The following CLVS1 variants were observed in gnomAD, a reference collection of about 807,000 sequenced individuals.
CLVS1 encodes clavesin-1.
CLVS1 carries 10 observed loss-of-function variants against 33.1 expected under a neutral mutation model. The ratio of observed to expected loss-of-function variants is 0.30; its 90% confidence interval spans 0.19 to 0.51. CLVS1 has a LOEUF of 0.51. CLVS1 is among the 20% of genes least tolerant of loss of function. CLVS1 has a pLI of 0.97. For missense variants in CLVS1, 343 were observed against 433.4 expected (o/e 0.79, Z 1.85); for synonymous variants, 163 against 166.1 (o/e 0.98, Z 0.14).
intron 3 of CLVS1, among the ~76,000 whole-genome samples, chr8:61,415,327 C>A (rs1488796965): frequency 1.3e-5 from 2 of 152,220 alleles, no homozygotes; most frequent in Non-Finnish European, 2.9e-5. Context: ...GCTGGGGCAC[C>A]TGCCCTGGAG....
At chr8:61,480,520 C>A (rs779428253) in intron 5 of CLVS1, among the ~76,000 whole-genome samples, 4 of 152,188 alleles carry the variant, frequency 2.6e-5, no homozygotes, top group Non-Finnish European at 5.9e-5. Flanking sequence ...TCCTTGACCC[C>A]TTGCACTTCC....
chr8:61,450,555 C>T (rs1270477483), intron 3 of CLVS1, among the ~76,000 whole-genome samples: 1 of 152,148 alleles, frequency 6.6e-6, no homozygotes. Flanking sequence ...GTAGTAGATA[C>T]TCATAAATAT....
At chr8:61,376,552 T>C in intron 2 of CLVS1, 53 bp from the exon 3 acceptor site, 1 of 1,558,070 alleles carries the variant, frequency 6.4e-7, no homozygotes. Context: ...GCACGCAACA[T>C]GCTATCACCT....
At chr8:61,426,414 T>C (rs573717562) in intron 3 of CLVS1, among the ~76,000 whole-genome samples, 2 of 152,358 alleles carry the variant, frequency 1.3e-5, no homozygotes, top group East Asian at 3.9e-4. Context: ...CCCAAATAGA[T>C]AGCTTGTGTC....
At chr8:61,041,108 A>G in the CLVS1 span, among the ~76,000 whole-genome samples, 53 of 151,836 alleles carry the variant, frequency 3.5e-4, 1 homozygote, top group Non-Finnish European at 2.6e-4. Context: ...CTTATTGCAT[A>G]TTTTTGTCAA....
chr8:61,053,681 C>T (rs893383565), upstream of CLVS1, among the ~76,000 whole-genome samples: 5 of 152,036 alleles, frequency 3.3e-5, no homozygotes, highest in Admixed American at 3.3e-4. Flanking sequence ...TCAAGCTGGG[C>T]CAATTAGAAT....
At chr8:61,221,637 G>T (rs1184527518) in intron 2 of CLVS1, among the ~76,000 whole-genome samples, 2 of 152,036 alleles carry the variant, frequency 1.3e-5, no homozygotes, top group African/African-American at 4.8e-5. Context: ...ATATTGGCCT[G>T]AAGTGTCCTC....
chr8:61,272,703 T>C (rs928648464), intron 2 of CLVS1, among the ~76,000 whole-genome samples: 1 of 152,116 alleles, frequency 6.6e-6, no homozygotes, highest in Non-Finnish European at 1.5e-5. Context: ...CTTTTTATTC[T>C]TTTTTCTCTA....
chr8:61,458,568 C>G (rs775691805), intron 5 of CLVS1, 26 bp downstream of exon 5: 64 of 1,473,972 alleles, frequency 4.3e-5, no homozygotes, highest in Non-Finnish European at 5.6e-5. Context: ...TCAGAGCCCC[C>G]CCCCCAGTCA....
chr8:61,474,805 T>A (rs902951890), intron 5 of CLVS1, among the ~76,000 whole-genome samples: 7 of 144,108 alleles, frequency 4.9e-5, no homozygotes, highest in Non-Finnish European at 1.0e-4. Context: ...TCTTTTTTTT[T>A]ATATATATAC....
Position 61,109,909 on chromosome 8 carries a change from C to T in CLVS1, c.-242-21861C>T, listed in dbSNP as rs76526130. On this transcript the variant is annotated intron_variant, in intron 1 of 2. Transcript: ENST00000522621. ...GACAATCCCCACCAGCAAGAAGATG[C>T]GCCCCATCAACCTTGGACTTCCTAG... Among the ~76,000 whole-genome samples, 9 of 152,306 alleles carry T rather than the reference C, an allele frequency of 5.9e-5. No individual in the cohort carries two copies. In the East Asian group the frequency reaches 1.5e-3, roughly 26 times the overall value.
At chr8:61,399,946 T>C (rs1814684365) in intron 3 of CLVS1, among the ~76,000 whole-genome samples, 1 of 152,210 alleles carries the variant, frequency 6.6e-6, no homozygotes, top group Non-Finnish European at 1.5e-5. Flanking sequence ...AGCCTTGCAG[T>C]ATAGTTTGAA....
intron 2 of CLVS1, among the ~76,000 whole-genome samples, chr8:61,329,476 T>TA (rs1331184812): frequency 1.3e-5 from 2 of 152,216 alleles, no homozygotes; most frequent in Non-Finnish European, 2.9e-5. Flanking sequence ...CAGCTAATGT[T>TA]AATCAGTTGG....
intron 1 of CLVS1, among the ~76,000 whole-genome samples, chr8:61,059,475 C>CACATATATATATATATATATAT (rs1804539672): frequency 2.0e-5 from 1 of 50,214 alleles, no homozygotes; most frequent in Non-Finnish European, 4.0e-5. Context: ...TACATACATA[C>CACATATATATATATATATATAT]ATATATATAT....
chr8:61,082,498 A>G (rs1563395532), intron 1 of CLVS1, among the ~76,000 whole-genome samples: 2 of 141,952 alleles, frequency 1.4e-5, no homozygotes, highest in African/African-American at 5.3e-5. Flanking sequence ...CAAACAAACA[A>G]AAACAACAAC....
At chr8:61,173,951 A>G (rs1293935984) in intron 2 of CLVS1, among the ~76,000 whole-genome samples, 3 of 152,218 alleles carry the variant, frequency 2.0e-5, no homozygotes, top group Non-Finnish European at 4.4e-5. Flanking sequence ...GGAAAATGAC[A>G]AGATTCGTGG....
At chr8:61,382,811 C>T (rs147763268) in intron 3 of CLVS1, among the ~76,000 whole-genome samples, 178 of 152,234 alleles carry the variant, frequency 1.2e-3, no homozygotes, top group African/African-American at 4.0e-3. Context: ...AGAGTAGAGC[C>T]CACTGTCTGG....
chr8:61,336,782 T>G (rs966811253), intron 2 of CLVS1, among the ~76,000 whole-genome samples: 4 of 152,012 alleles, frequency 2.6e-5, no homozygotes, highest in African/African-American at 9.7e-5. Context: ...TGAAAATACA[T>G]AAAGTTTGAC....
At chr8:61,350,470 G>T (rs1812409425) in intron 2 of CLVS1, among the ~76,000 whole-genome samples, 1 of 152,098 alleles carries the variant, frequency 6.6e-6, no homozygotes, top group East Asian at 1.9e-4. Context: ...CTGTGATGAT[G>T]CATTGCAAGA....
Sources: gnomAD v4.1 joint callset for allele counts (sites outside exome capture counted in the v4.1 genomes callset) on GRCh38, gnomAD v4.1.1 for gene constraint, MANE v1.5 for transcripts, NCBI Gene and HGNC (gene_info 2026-07-23, HGNC 2026-07-21) for gene names.